The following EYA1 variants were observed in gnomAD, a reference collection of about 807,000 sequenced individuals.
The protein encoded by EYA1 is EYA transcriptional coactivator and phosphatase 1.
A neutral mutation model predicts 82.0 loss-of-function variants in EYA1; 16 were observed. That is an observed-to-expected ratio of 0.20 (90% CI 0.13 to 0.30). The LOEUF (loss-of-function observed/expected upper bound fraction) is 0.30. Ranked by LOEUF, EYA1 falls within the 10% of genes least tolerant of loss-of-function variation. The pLI is 1.00. For missense variants in EYA1, 633 were observed against 730.7 expected, an observed-to-expected ratio of 0.87 and a Z score of 1.54; for synonymous variants, 261 against 264.4, an observed-to-expected ratio of 0.99 and a Z score of 0.12.
intron 6 of EYA1, 46 bp downstream of exon 6, chr8:71,321,688 G>A (rs1822565647): frequency 2.5e-6 from 4 of 1,606,224 alleles, no homozygotes; most frequent in African/African-American, 1.3e-5. Flanking sequence ...GTTAATACAC[G>A]CATGCCCATG....
At chr8:71,418,812 TGGGAG>T (rs1830993315) in intron 2 of EYA1, among the ~76,000 whole-genome samples, 1 of 151,796 alleles carries the variant, frequency 6.6e-6, no homozygotes, top group African/African-American at 2.4e-5. Context: ...AGGGCAACAA[TGGGAG>T]GGAGGGAGGT....
chr8:71,278,560 T>G (rs990034394), intron 9 of EYA1, among the ~76,000 whole-genome samples: 15 of 152,368 alleles, frequency 9.8e-5, no homozygotes, highest in Middle Eastern at 3.4e-3. Flanking sequence ...TTATATTCCC[T>G]CTGTGAACAG....
At chr8:71,323,058 C>T (rs1266803547) in intron 4 of EYA1, among the ~76,000 whole-genome samples, 1 of 152,142 alleles carries the variant, frequency 6.6e-6, no homozygotes, top group East Asian at 1.9e-4. Flanking sequence ...TAATTTTGAA[C>T]TGAAGAAGCA....
chr8:71,492,775 A>G (rs990229437), intron 2 of EYA1, among the ~76,000 whole-genome samples: 1 of 148,430 alleles, frequency 6.7e-6, no homozygotes, highest in Non-Finnish European at 1.5e-5. Context: ...TTTTCTTTTA[A>G]CTTTTAAGTT....
intron 1 of EYA1, among the ~76,000 whole-genome samples, chr8:71,543,856 A>C (rs1161458093): frequency 6.6e-6 from 1 of 152,146 alleles, no homozygotes; most frequent in East Asian, 1.9e-4. Flanking sequence ...TTAGTATTTA[A>C]TCAGGAATGA....
intron 3 of EYA1, 164 bp from the exon 4 acceptor site, chr8:71,334,338 T>A (rs1824240083): frequency 1.4e-6 from 1 of 702,138 alleles, no homozygotes; most frequent in East Asian, 2.7e-5. Flanking sequence ...TTTAAAAAAA[T>A]TCACATATTA....
In EYA1 at chr8:71,382,425, A is replaced by G. The variant is rs887453572; in HGVS notation, c.34-25914T>C. 6.6e-5 allele frequency among the ~76,000 whole-genome samples: 10 copies of G among 152,232 alleles called. No homozygotes were observed. In the East Asian group the frequency reaches 1.7e-3, roughly 26 times the overall value. ...AAGAGCAAATATCCTAATTATTCCA[A>G]TGTCTAAAGGAATACAAAAGGTAAA... On this transcript the variant is annotated intron_variant, in intron 2 of 18. Coordinates refer to the EYA1 transcript ENST00000643681.
intron 2 of EYA1, among the ~76,000 whole-genome samples, chr8:71,509,003 C>T (rs1013328967): frequency 6.6e-6 from 1 of 152,102 alleles, no homozygotes; most frequent in Non-Finnish European, 1.5e-5. Context: ...GAGCAGACTG[C>T]TTGAGCCCAA....
intron 3 of EYA1, among the ~76,000 whole-genome samples, chr8:71,348,865 C>A (rs1826020856): frequency 6.6e-6 from 1 of 152,122 alleles, no homozygotes; most frequent in Non-Finnish European, 1.5e-5. Context: ...TAATTTAGTT[C>A]TTAAAGTCAA....
chr8:71,446,296 G>T (rs536621815), intron 2 of EYA1, among the ~76,000 whole-genome samples: 209 of 152,158 alleles, frequency 1.4e-3, no homozygotes, highest in Admixed American at 2.9e-3. Context: ...CCCCCATGAT[G>T]TTCTCATGAT....
At chr8:71,547,833 G>A (rs1045210330) in intron 1 of EYA1, 6 of 151,002 alleles carry the variant, frequency 4.0e-5, no homozygotes, top group African/African-American at 1.5e-4. Flanking sequence ...GGGGGACCCT[G>A]GCGGGCCCCG....
At chr8:71,513,505 G>T (rs1812748091) in intron 2 of EYA1, among the ~76,000 whole-genome samples, 1 of 151,856 alleles carries the variant, frequency 6.6e-6, no homozygotes, top group Non-Finnish European at 1.5e-5. Flanking sequence ...TATTTATTAG[G>T]TACATGATGT....
chr8:71,380,738 A>G (rs1256544577), intron 2 of EYA1, among the ~76,000 whole-genome samples: 1 of 152,246 alleles, frequency 6.6e-6, no homozygotes, highest in Non-Finnish European at 1.5e-5. Context: ...GTAAACTTAC[A>G]TTCTTGTTCC....
At chr8:71,248,916 T>G (rs547657172) in intron 11 of EYA1, among the ~76,000 whole-genome samples, 1 of 152,360 alleles carries the variant, frequency 6.6e-6, no homozygotes, top group African/African-American at 2.4e-5. Context: ...AAAACTGAGA[T>G]GTTAAAATCA....
At chr8:71,252,047 GT>G (rs1236728214) in intron 11 of EYA1, among the ~76,000 whole-genome samples, 1 of 152,046 alleles carries the variant, frequency 6.6e-6, no homozygotes, top group Non-Finnish European at 1.5e-5. Flanking sequence ...AAATGCATGT[GT>G]GTACTAGATC....
intron 2 of EYA1, among the ~76,000 whole-genome samples, chr8:71,440,965 A>G (rs1051103252): frequency 2.0e-5 from 3 of 152,196 alleles, no homozygotes; most frequent in African/African-American, 7.2e-5. Flanking sequence ...TATGTGGGCC[A>G]TTTTACAGAG....
chr8:71,241,505 G>T (rs1315591238), intron 12 of EYA1, among the ~76,000 whole-genome samples: 1 of 152,106 alleles, frequency 6.6e-6, no homozygotes, highest in Non-Finnish European at 1.5e-5. Context: ...TATTAAGCAA[G>T]GAGTGAACTA....
intron 17 of EYA1, among the ~76,000 whole-genome samples, chr8:71,206,115 AAAG>A (rs750780531): frequency 4.6e-5 from 7 of 152,234 alleles, no homozygotes; most frequent in African/African-American, 7.2e-5. Flanking sequence ...TCCTGAAAAG[AAAG>A]AAGAATTGCA....
At chr8:71,460,580 G>A (rs1029809466) in intron 2 of EYA1, among the ~76,000 whole-genome samples, 4 of 152,192 alleles carry the variant, frequency 2.6e-5, no homozygotes, top group Non-Finnish European at 4.4e-5. Flanking sequence ...CTAATGAGTA[G>A]GTTGTCATGG....
Sources: gnomAD v4.1 joint callset for allele counts (sites outside exome capture counted in the v4.1 genomes callset) on GRCh38, gnomAD v4.1.1 for gene constraint, MANE v1.5 for transcripts, NCBI Gene and HGNC (gene_info 2026-07-23, HGNC 2026-07-21) for gene names.